PAPPA: variants seen among roughly 807,000 people sequenced by gnomAD.
PAPPA encodes pappalysin-1.
Under a neutral mutation model 164.0 loss-of-function variants are expected in PAPPA, and 60 were observed. That is an observed-to-expected ratio of 0.37 (90% CI 0.30 to 0.45). The LOEUF (loss-of-function observed/expected upper bound fraction) is 0.45. PAPPA is among the 20% of genes least tolerant of loss of function. PAPPA has a pLI of 1.00. For synonymous variants in PAPPA, 875 were observed against 814.1 expected (o/e 1.07, Z -1.27); for missense variants, 1,782 against 2,087.3 (o/e 0.85, Z 2.85).
At chr9:116,233,078 A>C in intron 6 of PAPPA, among the ~76,000 whole-genome samples, 1 of 152,222 alleles carries the variant, frequency 6.6e-6, no homozygotes, top group Non-Finnish European at 1.5e-5. Flanking sequence ...AGCATGCTTT[A>C]ATGTTCTATG....
chr9:116,227,700 G>A (rs1010059498), intron 6 of PAPPA, 148 bp downstream of exon 6: 4 of 827,348 alleles, frequency 4.8e-6, no homozygotes, highest in African/African-American at 3.4e-5. Flanking sequence ...GTAGTCAAGC[G>A]CTCATCCATT....
intron 21 of PAPPA, among the ~76,000 whole-genome samples, chr9:116,385,189 G>A (rs933381757): frequency 5.3e-5 from 8 of 151,866 alleles, no homozygotes; most frequent in South Asian, 2.1e-4. Context: ...AGCCGATATC[G>A]TGCCACTGTA....
rs1439752517 is a variant in PAPPA, at chr9:116,388,297, G to T, written c.4776+5804G>T. On this transcript the variant is annotated intron_variant, in intron 21 of 21. Coordinates refer to ENST00000328252, the MANE Select transcript of PAPPA (RefSeq NM_002581.5). ...TATTTTCCTGTTGGAGCCTTGAGGA[G>T]CCTCAAATACAAAGCAGATTTCCAG... 2.6e-5 allele frequency among the ~76,000 whole-genome samples: 4 copies of T among 152,198 alleles called. 1 individual carries two copies. The highest frequency in any genetic ancestry group is 2.4e-5 in the African/African-American group (1 of 41,462).
chr9:116,329,782 A>G (rs1845966473), intron 10 of PAPPA, among the ~76,000 whole-genome samples: 1 of 152,178 alleles, frequency 6.6e-6, no homozygotes, highest in East Asian at 1.9e-4. Flanking sequence ...TTATTTGGCT[A>G]GAGACCATAC....
intron 10 of PAPPA, among the ~76,000 whole-genome samples, chr9:116,311,970 T>C (rs1297417734): frequency 6.6e-6 from 1 of 152,210 alleles, no homozygotes; most frequent in East Asian, 1.9e-4. Context: ...CGAGTCTTCA[T>C]TTTTCAGTTG....
intron 2 of PAPPA, among the ~76,000 whole-genome samples, chr9:116,192,882 T>C (rs1465968396): frequency 6.6e-6 from 1 of 152,154 alleles, no homozygotes; most frequent in African/African-American, 2.4e-5. Flanking sequence ...TCCAGGGGCA[T>C]TTGACACTGA....
intron 8 of PAPPA, among the ~76,000 whole-genome samples, chr9:116,269,453 T>C (rs1770224535): frequency 6.6e-6 from 1 of 152,178 alleles, no homozygotes; most frequent in Admixed American, 6.5e-5. Flanking sequence ...GAAGACTCTG[T>C]CACTTCCTTT....
At chr9:116,191,227 T>A (rs112478648) in intron 2 of PAPPA, among the ~76,000 whole-genome samples, 1 of 152,186 alleles carries the variant, frequency 6.6e-6, no homozygotes, top group Non-Finnish European at 1.5e-5. Context: ...GAGTAATAGA[T>A]GATATCATCT....
chr9:116,224,622 G>A (rs1446873501), intron 5 of PAPPA, among the ~76,000 whole-genome samples: 1 of 152,168 alleles, frequency 6.6e-6, no homozygotes, highest in Non-Finnish European at 1.5e-5. Flanking sequence ...AGGATTTGCT[G>A]CAATAACGGA....
intron 2 of PAPPA, among the ~76,000 whole-genome samples, chr9:116,203,830 T>A (rs950915860): frequency 7.2e-5 from 11 of 152,078 alleles, no homozygotes; most frequent in Non-Finnish European, 1.5e-4. Context: ...AAAGGGCCAA[T>A]CATCAGGAAG....
intron 1 of PAPPA, among the ~76,000 whole-genome samples, chr9:116,175,503 A>G (rs183482695): frequency 2.0e-5 from 3 of 152,336 alleles, no homozygotes; most frequent in Admixed American, 6.5e-5. Context: ...AATATACATA[A>G]TTTTTGTCAA....
intron 17 of PAPPA, among the ~76,000 whole-genome samples, chr9:116,356,448 A>T (rs1330037856): frequency 1.3e-5 from 2 of 152,152 alleles, no homozygotes; most frequent in South Asian, 4.1e-4. Flanking sequence ...CTTTAAGGTC[A>T]CTCCAGTGGC....
At chr9:116,342,299 T>A (rs1846148504) in intron 13 of PAPPA, among the ~76,000 whole-genome samples, 1 of 152,122 alleles carries the variant, frequency 6.6e-6, no homozygotes, top group Non-Finnish European at 1.5e-5. Context: ...ACAGTTACAG[T>A]CTCTTTGAGG....
intron 17 of PAPPA, among the ~76,000 whole-genome samples, chr9:116,354,062 C>A (rs1846319873): frequency 6.6e-6 from 1 of 152,136 alleles, no homozygotes; most frequent in South Asian, 2.1e-4. Flanking sequence ...ATGACCAGGG[C>A]TCTTTTCCCA....
intron 21 of PAPPA, among the ~76,000 whole-genome samples, chr9:116,388,968 G>A (rs756674745): frequency 6.6e-6 from 1 of 152,112 alleles, no homozygotes; most frequent in Non-Finnish European, 1.5e-5. Context: ...AAGAAGGCTA[G>A]TGATTCTATA....
intron 19 of PAPPA, among the ~76,000 whole-genome samples, chr9:116,368,498 T>C (rs1456598528): frequency 6.6e-6 from 1 of 152,226 alleles, no homozygotes; most frequent in African/African-American, 2.4e-5. Flanking sequence ...CCCAGCCAGA[T>C]GACTACAGAG....
intron 7 of PAPPA, among the ~76,000 whole-genome samples, chr9:116,245,326 C>A (rs1226515888): frequency 6.6e-6 from 1 of 151,982 alleles, no homozygotes. Flanking sequence ...AAGAAGGGGC[C>A]AGATTATGAA....
intron 7 of PAPPA, among the ~76,000 whole-genome samples, chr9:116,260,938 T>A (rs1587976866): frequency 6.6e-6 from 1 of 152,336 alleles, no homozygotes; most frequent in East Asian, 1.9e-4. Flanking sequence ...GTCTTTTGAT[T>A]TCTATTCTGC....
At position 116,154,721 on chromosome 9, in the gene PAPPA, A is replaced by G; in HGVS notation, c.415+134A>G. 9 of 1,081,280 alleles carry G rather than the reference A, an allele frequency of 8.3e-6. No individual in the cohort carries two copies. Among genetic ancestry groups the G allele is most frequent in the Middle Eastern group, 3.4e-4 (1 of 2,908 alleles). 67.0% of individuals were successfully genotyped at this position (1,081,280 alleles called of 1,614,324 possible). On this transcript the variant is annotated intron_variant, in intron 1 of 21. Coordinates refer to ENST00000328252, the MANE Select transcript of PAPPA (RefSeq NM_002581.5). The surrounding 1 kb of genome is among the most constrained non-coding windows in gnomAD (Gnocchi z 5.2). ...GCGAGAGCTGCCCCGCGAGCGGCGC[A>G]GAGACATCCGGGCGAGCTGAGAGCC...
Sources: allele counts gnomAD v4.1 joint callset (sites outside exome capture counted in the v4.1 genomes callset), GRCh38; gene constraint gnomAD v4.1.1; non-coding constraint Gnocchi (gnomAD v3.1); transcripts MANE v1.5; gene names NCBI Gene and HGNC (gene_info 2026-07-23, HGNC 2026-07-21).